The following RPAP2 variants were observed in gnomAD, a reference collection of about 807,000 sequenced individuals.
RPAP2 encodes putative RNA polymerase II subunit B1 CTD phosphatase RPAP2.
RPAP2 carries 52 observed loss-of-function variants against 73.1 expected under a neutral mutation model. The observed-to-expected ratio is 0.71, with a 90% confidence interval of 0.57 to 0.90. The LOEUF is 0.90. Among genes scored for constraint, RPAP2 ranks in the 40% least tolerant of loss-of-function variants. RPAP2 has a pLI of 0.00. For missense variants in RPAP2, 598 were observed against 701.8 expected, an observed-to-expected ratio of 0.85 and a Z score of 1.67; for synonymous variants, 225 against 242.1, an observed-to-expected ratio of 0.93 and a Z score of 0.65.
At position 92,373,733 on chromosome 1, in the gene RPAP2, T is replaced by TAAAAAAAAA. The variant is rs1395822870; in HGVS notation, c.1689-6986_1689-6985insAAAAAAAAA. On this transcript the variant is annotated intron_variant, in intron 11 of 12. Transcript: ENST00000610020. ...CAACATGGTGAAACCCCGTCTCTACTAAAAATAAAAAAAAAAAAAAAAAAA... is the reference window on the plus strand; with the variant it reads ...CAACATGGTGAAACCCCGTCTCTACTAAAAAAAAAAAAAATAAAAAAAAAAAAAAAAAAA... Among the ~76,000 whole-genome samples, 32 of 40,898 alleles carry TAAAAAAAAA rather than the reference T, an allele frequency of 7.8e-4. 8 individuals carry two copies. The highest frequency in any genetic ancestry group is 5.3e-3 in the South Asian group (5 of 940). The allele number at this position is 40,898 out of a possible 152,430, so 26.8% of individuals were successfully genotyped here. A position where few individuals can be genotyped will look rare whatever the true frequency, so the allele number is the denominator to read the frequency against.
chr1:92,379,990 T>A (rs1655554120), intron 11 of RPAP2, among the ~76,000 whole-genome samples: 1 of 151,224 alleles, frequency 6.6e-6, no homozygotes. Flanking sequence ...CCAGGCATGG[T>A]GGCTCACGCC....
chr1:92,359,458 T>G (rs1161642095), intron 11 of RPAP2, among the ~76,000 whole-genome samples: 1 of 152,232 alleles, frequency 6.6e-6, no homozygotes, highest in Non-Finnish European at 1.5e-5. Flanking sequence ...TAGTTGGGAT[T>G]ACAGGCATGC....
In RPAP2 at chr1:92,322,569, C is replaced by CA. The variant is rs568905862; in HGVS notation, c.525-870dup. ...AAATGAATAAAAATAAAATAAAATA[C>CA]AAAAAATAAAAAATAAAAAGCTCAG... On this transcript the variant is annotated intron_variant, in intron 7 of 12. Coordinates refer to ENST00000610020, the MANE Select transcript of RPAP2 (RefSeq NM_024813.3). Among the ~76,000 whole-genome samples the CA allele has an allele frequency of 1.7e-3, 251 of 150,058 alleles. 1 individual carries two copies. Among genetic ancestry groups the CA allele is most frequent in the African/African-American group, 5.7e-3 (233 of 41,136 alleles).
intron 11 of RPAP2, among the ~76,000 whole-genome samples, chr1:92,353,409 A>T (rs1654313156): frequency 6.6e-6 from 1 of 152,130 alleles, no homozygotes; most frequent in Admixed American, 6.6e-5. Flanking sequence ...TTTCCCAAAA[A>T]CTTAAATATG....
At chr1:92,316,378 T>C (rs1376923618) in intron 6 of RPAP2, among the ~76,000 whole-genome samples, 4 of 152,294 alleles carry the variant, frequency 2.6e-5, no homozygotes, top group South Asian at 4.1e-4. Flanking sequence ...TGTCTCAAAA[T>C]AGATTTGAAA....
At chr1:92,384,577 T>C (rs1184015121) in intron 12 of RPAP2, among the ~76,000 whole-genome samples, 3 of 151,200 alleles carry the variant, frequency 2.0e-5, no homozygotes, top group Non-Finnish European at 4.4e-5. Context: ...TGAGCCGAGA[T>C]TGTGCCACTG....
At chr1:92,377,437 G>C (rs904299289) in intron 11 of RPAP2, among the ~76,000 whole-genome samples, 31 of 145,524 alleles carry the variant, frequency 2.1e-4, no homozygotes, top group African/African-American at 7.6e-4. Context: ...ATAATCGCTT[G>C]AACCTGGGAG....
rs1656107456 is a variant in RPAP2, at chr1:92,393,520, A to G, written c.*6509A>G. On this transcript the variant is annotated 3_prime_UTR_variant, in exon 13 of 13. Coordinates refer to ENST00000610020, the MANE Select transcript of RPAP2 (RefSeq NM_024813.3). ...GAGCTTCTGCACAGCAAAATAAACT[A>G]TCATCAGAGTGAACAGGCAACCTAC... 1 of 152,232 alleles carries G rather than the reference A, an allele frequency of 6.6e-6. No individual in the cohort carries two copies. The highest frequency in any genetic ancestry group is 6.5e-5 in the Admixed American group (1 of 15,276). 9.4% of individuals were successfully genotyped at this position (152,232 alleles called of 1,614,324 possible).
intron 10 of RPAP2, 108 bp downstream of exon 10, chr1:92,336,535 A>C: frequency 2.8e-6 from 2 of 709,420 alleles, no homozygotes; most frequent in Non-Finnish European, 2.5e-6. Flanking sequence ...TCAATGTCAC[A>C]GATCTAAATA....
chr1:92,381,346 G>A (rs1406437288), intron 12 of RPAP2, among the ~76,000 whole-genome samples: 1 of 152,108 alleles, frequency 6.6e-6, no homozygotes, highest in Admixed American at 6.6e-5. Flanking sequence ...GTCTGACTTT[G>A]TTGAATCCTA....
At chr1:92,300,118 T>G in intron 1 of RPAP2, 76 bp from the exon 2 acceptor site, 1 of 980,594 alleles carries the variant, frequency 1.0e-6, no homozygotes, top group Non-Finnish European at 1.6e-6. Flanking sequence ...TTTAATCTTA[T>G]GAGACCGCTG....
intron 11 of RPAP2, among the ~76,000 whole-genome samples, chr1:92,378,974 T>C (rs1409219532): frequency 6.6e-5 from 10 of 152,238 alleles, no homozygotes; most frequent in Non-Finnish European, 1.0e-4. Context: ...ATGGATTTCA[T>C]TGGACTATTG....
At chr1:92,361,142 A>AACAC (rs373613454) in intron 11 of RPAP2, among the ~76,000 whole-genome samples, 10 of 149,234 alleles carry the variant, frequency 6.7e-5, no homozygotes, top group African/African-American at 2.5e-4. Flanking sequence ...CACACACATA[A>AACAC]ACACACACAC....
rs1488987042 is a variant in RPAP2, at chr1:92,388,902, G to T, written c.*1891G>T. The T allele has an allele frequency of 2.0e-5, 3 of 151,584 alleles. No individual in the cohort carries two copies. Among genetic ancestry groups the T allele is most frequent in the Non-Finnish European group, 4.4e-5 (3 of 67,722 alleles). The allele number at this position is 151,584 out of a possible 1,614,324, so 9.4% of individuals were successfully genotyped here. ...GCAGCAGGGAAGCTCAAACTGGGCA[G>T]AGCCCACCACAGCTCAGCAAGGCCT... On this transcript the variant is annotated 3_prime_UTR_variant, in exon 13 of 13. Transcript: ENST00000610020.
intron 11 of RPAP2, among the ~76,000 whole-genome samples, chr1:92,377,214 G>C (rs1373361547): frequency 6.6e-6 from 1 of 152,096 alleles, no homozygotes; most frequent in South Asian, 2.1e-4. Flanking sequence ...TCCTAGCAGG[G>C]CTAGGATTAG....
At chr1:92,334,684 C>CAAAAAT (rs778463951) in intron 9 of RPAP2, among the ~76,000 whole-genome samples, 81 of 151,966 alleles carry the variant, frequency 5.3e-4, no homozygotes, top group Non-Finnish European at 1.1e-3. Flanking sequence ...CACATCTCTA[C>CAAAAAT]AAAAATAAAA....
chr1:92,360,795 C>T (rs1272297033), intron 11 of RPAP2, among the ~76,000 whole-genome samples: 1 of 152,014 alleles, frequency 6.6e-6, no homozygotes, highest in Non-Finnish European at 1.5e-5. Context: ...CCCAAAAACC[C>T]ATATTGTTAA....
In RPAP2 at chr1:92,399,765, C is replaced by T. The variant is rs1194475668; in HGVS notation, c.*12754C>T. 1.3e-5 allele frequency: 2 copies of T among 152,200 alleles called. No homozygotes were observed. Among genetic ancestry groups the T allele is most frequent in the Non-Finnish European group, 2.9e-5 (2 of 68,036 alleles). The allele number at this position is 152,200 out of a possible 1,614,324, so 9.4% of individuals were successfully genotyped here. On this transcript the variant is annotated 3_prime_UTR_variant, in exon 13 of 13. Coordinates refer to ENST00000610020, the MANE Select transcript of RPAP2 (RefSeq NM_024813.3). ...TCCTTCTCACATCGTCCCATTAACA[C>T]ATTATCCATCTTTGGGGGGAAAAAA...
At chr1:92,360,532 G>A (rs997039309) in intron 11 of RPAP2, among the ~76,000 whole-genome samples, 8 of 152,138 alleles carry the variant, frequency 5.3e-5, no homozygotes, top group Non-Finnish European at 1.2e-4. Flanking sequence ...GGTAGCAGAG[G>A]GGAAGGAGAC....
Sources: allele counts gnomAD v4.1 joint callset (sites outside exome capture counted in the v4.1 genomes callset), GRCh38; gene constraint gnomAD v4.1.1; transcripts MANE v1.5; gene names NCBI Gene and HGNC (gene_info 2026-07-23, HGNC 2026-07-21).